MTSS1: variants seen among roughly 807,000 people sequenced by gnomAD.
The protein encoded by MTSS1 is protein MTSS 1.
In MTSS1, 18 loss-of-function variants were observed where a neutral mutation model predicts 79.0. That is an observed-to-expected ratio of 0.23 (90% CI 0.16 to 0.34). The LOEUF (loss-of-function observed/expected upper bound fraction) is 0.34, where lower values mean the gene tolerates loss of function less well. MTSS1 is among the 10% of genes least tolerant of loss of function. MTSS1 has a pLI of 1.00. For synonymous variants in MTSS1, 341 were observed against 368.6 expected (o/e 0.93, Z 0.86); for missense variants, 815 against 986.2 (o/e 0.83, Z 2.33).
intron 3 of MTSS1, among the ~76,000 whole-genome samples, chr8:124,693,600 C>T (rs909656985): frequency 1.3e-5 from 2 of 152,202 alleles, no homozygotes; most frequent in Non-Finnish European, 2.9e-5. Context: ...CTGATTAAAG[C>T]GCATGTCTGA....
At chr8:124,578,687 TG>T (rs1829458524) in intron 6 of MTSS1, among the ~76,000 whole-genome samples, 1 of 152,000 alleles carries the variant, frequency 6.6e-6, no homozygotes, top group Admixed American at 6.6e-5. Context: ...CCCAGCTACT[TG>T]GGAGGCTGAG....
At chr8:124,568,586 G>A in intron 6 of MTSS1, 50 bp from the exon 7 acceptor site, 1 of 1,612,244 alleles carries the variant, frequency 6.2e-7, no homozygotes, top group Non-Finnish European at 8.5e-7. Flanking sequence ...CCAGCTTCTG[G>A]AACAAGTGCC....
chr8:124,574,553 G>A (rs1828579950), intron 6 of MTSS1, among the ~76,000 whole-genome samples: 1 of 152,150 alleles, frequency 6.6e-6, no homozygotes, highest in Non-Finnish European at 1.5e-5. Flanking sequence ...CATGAATGCT[G>A]GGAACAAGCT....
At chr8:124,680,361 T>G (rs1487479954) in intron 3 of MTSS1, among the ~76,000 whole-genome samples, 1 of 152,216 alleles carries the variant, frequency 6.6e-6, no homozygotes, top group Non-Finnish European at 1.5e-5. Flanking sequence ...CCTCATCCCC[T>G]CCAGATGTCA....
chr8:124,557,468 C>T (rs547665884), intron 11 of MTSS1, among the ~76,000 whole-genome samples: 1 of 152,346 alleles, frequency 6.6e-6, no homozygotes, highest in East Asian at 1.9e-4. Context: ...AGACCCTCAG[C>T]CCCAGCTACC....
intron 10 of MTSS1, among the ~76,000 whole-genome samples, chr8:124,559,801 G>T (rs933058239): frequency 6.6e-6 from 1 of 152,176 alleles, no homozygotes; most frequent in Admixed American, 6.5e-5. Context: ...CATCCATCCA[G>T]GTACTTGCTT....
chr8:124,593,333 T>G (rs368965681), intron 3 of MTSS1, among the ~76,000 whole-genome samples: 1 of 152,268 alleles, frequency 6.6e-6, no homozygotes, highest in African/African-American at 2.4e-5. Flanking sequence ...ACTACTTTCC[T>G]GGAGCAAAAT....
chr8:124,666,009 C>A, intron 3 of MTSS1, among the ~76,000 whole-genome samples: 1 of 152,288 alleles, frequency 6.6e-6, no homozygotes. Context: ...AAATATTAGA[C>A]CCTATTTCAC....
intron 3 of MTSS1, among the ~76,000 whole-genome samples, chr8:124,645,322 G>A (rs1217343395): frequency 1.3e-5 from 2 of 152,202 alleles, no homozygotes; most frequent in Non-Finnish European, 2.9e-5. Context: ...GAGCCCAAGA[G>A]GTTGCAGTGA....
chr8:124,718,018 C>T (rs186352767), intron 1 of MTSS1, among the ~76,000 whole-genome samples: 17 of 152,330 alleles, frequency 1.1e-4, no homozygotes, highest in Middle Eastern at 6.8e-3. Context: ...CACGGAAAGG[C>T]AAGGACGCCA....
chr8:124,591,345 G>T, intron 3 of MTSS1, 110 bp from the exon 4 acceptor site: 1 of 863,198 alleles, frequency 1.2e-6, no homozygotes, highest in Non-Finnish European at 1.9e-6. Flanking sequence ...TAAAATATAA[G>T]CCACCATCTT....
At chr8:124,616,598 G>A (rs2133419686) in intron 3 of MTSS1, among the ~76,000 whole-genome samples, 1 of 152,260 alleles carries the variant, frequency 6.6e-6, no homozygotes, top group Admixed American at 6.5e-5. Context: ...TAGTTCCCAG[G>A]TATTAGAGTA....
chr8:124,598,884 T>A (rs1402019723), intron 3 of MTSS1, among the ~76,000 whole-genome samples: 1 of 152,024 alleles, frequency 6.6e-6, no homozygotes, highest in East Asian at 1.9e-4. Flanking sequence ...GCTGTCTGGT[T>A]AGGAAGAGCT....
At chr8:124,637,778 C>G (rs891022280) in intron 3 of MTSS1, among the ~76,000 whole-genome samples, 1 of 152,236 alleles carries the variant, frequency 6.6e-6, no homozygotes, top group Non-Finnish European at 1.5e-5. Context: ...ACAAGCTAAA[C>G]AGCTGTTTTT....
chr8:124,632,984 C>T (rs10094360), intron 3 of MTSS1, among the ~76,000 whole-genome samples: 45,984 of 151,918 alleles, frequency 0.3, 9,230 homozygotes, highest in African/African-American at 0.57. Flanking sequence ...CTGCCTTTCA[C>T]TAACCCATAC....
chr8:124,561,264 A>T (rs1825236353), intron 10 of MTSS1, among the ~76,000 whole-genome samples: 1 of 152,144 alleles, frequency 6.6e-6, no homozygotes, highest in South Asian at 2.1e-4. Flanking sequence ...CTAAAAATAC[A>T]AAAGTTAGCT....
chr8:124,562,792 G>A lies in MTSS1; in HGVS notation c.1025C>T (p.Ala342Val). The change falls in exon 10 of 14, where the codon GCC becomes GTC. Residue 342 changes from alanine (A) to valine (V), a missense_variant. This residue lies in a region of MTSS1 where 590 missense variants were observed against 620.8 expected (regional missense o/e 0.95). Coordinates refer to ENST00000518547, the MANE Select transcript of MTSS1 (RefSeq NM_014751.6). Reference sequence around the variant, plus strand: ...CAAGGGCACCCTTACCTGGTTGGGGGCCTCTGGCGGCATGGGGGATGGTGA... The same window carrying A: ...CAAGGGCACCCTTACCTGGTTGGGGACCTCTGGCGGCATGGGGGATGGTGA... Reference protein sequence around the residue: ...SKSPSPMPPEAPNQLSNGFSH... With the variant: ...SKSPSPMPPEVPNQLSNGFSH... 3.1e-6 allele frequency: 5 copies of A among 1,614,026 alleles called. No homozygotes were observed. Among genetic ancestry groups the A allele is most frequent in the Non-Finnish European group, 4.2e-6 (5 of 1,179,948 alleles).
chr8:124,638,899 G>C (rs1159821960), intron 3 of MTSS1, among the ~76,000 whole-genome samples: 2 of 152,224 alleles, frequency 1.3e-5, no homozygotes, highest in African/African-American at 4.8e-5. Context: ...CAATCTCCAT[G>C]AGGTAAAGAA....
At chr8:124,657,523 G>A (rs1821189421) in intron 3 of MTSS1, among the ~76,000 whole-genome samples, 1 of 151,774 alleles carries the variant, frequency 6.6e-6, no homozygotes, top group Non-Finnish European at 1.5e-5. Context: ...GTCACATATG[G>A]GTGTGAACAG....
Sources: gnomAD v4.1 joint callset for allele counts (sites outside exome capture counted in the v4.1 genomes callset) on GRCh38, gnomAD v4.1.1 for gene constraint, gnomAD v4.1.1 regional missense constraint, MANE v1.5 for transcripts, NCBI Gene and HGNC (gene_info 2026-07-23, HGNC 2026-07-21) for gene names.